MIPOL1: variants seen among roughly 807,000 people sequenced by gnomAD.
MIPOL1 encodes the protein mirror-image polydactyly gene 1 protein.
A neutral mutation model predicts 60.9 loss-of-function variants in MIPOL1; 57 were observed. That is an observed-to-expected ratio of 0.94 (90% CI 0.76 to 1.17). The LOEUF (loss-of-function observed/expected upper bound fraction) is 1.17, where lower values mean the gene tolerates loss of function less well. Among genes scored for constraint, MIPOL1 ranks in the 50% most tolerant of loss-of-function variants. The pLI, the probability that MIPOL1 is intolerant of heterozygous loss-of-function variation, is 0.00. For missense variants in MIPOL1, 551 were observed against 511.6 expected (o/e 1.08, Z -0.74); for synonymous variants, 179 against 168.8 (o/e 1.06, Z -0.47).
intron 12 of MIPOL1, among the ~76,000 whole-genome samples, chr14:37,530,529 A>G (rs1329697153): frequency 6.6e-6 from 1 of 152,190 alleles, no homozygotes; most frequent in African/African-American, 2.4e-5. Flanking sequence ...CCAAATAATT[A>G]AACTCTTTCC....
At chr14:37,351,595 G>A (rs1365684055) in intron 9 of MIPOL1, among the ~76,000 whole-genome samples, 1 of 143,116 alleles carries the variant, frequency 7.0e-6, no homozygotes, top group Non-Finnish European at 1.5e-5. Context: ...TTTAATGATT[G>A]CCATTCTAAC....
At chr14:37,465,852 A>C (rs961361854) in intron 11 of MIPOL1, among the ~76,000 whole-genome samples, 2 of 152,172 alleles carry the variant, frequency 1.3e-5, no homozygotes, top group African/African-American at 4.8e-5. Context: ...AATTAGTGTA[A>C]ATTTAAAGAA....
At chr14:37,265,565 G>T (rs575632023) in intron 3 of MIPOL1, among the ~76,000 whole-genome samples, 57 of 152,184 alleles carry the variant, frequency 3.7e-4, no homozygotes, top group African/African-American at 1.2e-3. Context: ...ATAGTGTAAC[G>T]CAGGATGGCA....
At chr14:37,216,469 C>T (rs1206273829) in intron 1 of MIPOL1, among the ~76,000 whole-genome samples, 3 of 152,156 alleles carry the variant, frequency 2.0e-5, no homozygotes, top group Non-Finnish European at 4.4e-5. Context: ...AAGTGAAGAG[C>T]TACAGAATAC....
At chr14:37,295,657 G>A in intron 7 of MIPOL1, among the ~76,000 whole-genome samples, 1 of 152,128 alleles carries the variant, frequency 6.6e-6, no homozygotes, top group Middle Eastern at 3.2e-3. Context: ...TGCAATCCTA[G>A]TCTTTGATAA....
rs551354915 is a variant in MIPOL1, at chr14:37,296,357, G to T, written c.623+10910G>T. Among the ~76,000 whole-genome samples the T allele has an allele frequency of 3.3e-5, 5 of 152,228 alleles. No homozygotes were observed. The East Asian group carries it at 9.7e-4, about 29-fold the overall frequency. ...AATGCCCACAAGAGAAAGCAGGAAA[G>T]ATCTAAAATTGACACCCTAACATCA... is the stretch of plus-strand genomic sequence containing the variant. On this transcript the variant is annotated intron_variant, in intron 7 of 12. Transcript: ENST00000684589.
chr14:37,446,669 CA>C (rs1387016960), intron 11 of MIPOL1, among the ~76,000 whole-genome samples: 1 of 152,100 alleles, frequency 6.6e-6, no homozygotes, highest in Non-Finnish European at 1.5e-5. Context: ...GACTTGGAAC[CA>C]ACCCAAATGT....
At position 37,246,356 on chromosome 14, in the gene MIPOL1, A is replaced by T. The variant is rs191048003; in HGVS notation, c.-198-747A>T. ...TTGGGACTCAGAGCTTTATTGGACA[A>T]ATCATTAATTATCTCAGTGTCCATA... On this transcript the variant is annotated intron_variant, in intron 1 of 12. Transcript: ENST00000684589. 8.5e-5 allele frequency among the ~76,000 whole-genome samples: 13 copies of T among 152,250 alleles called. No individual in the cohort carries two copies. In the East Asian group the frequency reaches 2.3e-3, roughly 27 times the overall value.
intron 10 of MIPOL1, among the ~76,000 whole-genome samples, chr14:37,393,679 T>C (rs907505526): frequency 6.6e-6 from 1 of 151,994 alleles, no homozygotes; most frequent in African/African-American, 2.4e-5. Flanking sequence ...AACCTTTTAT[T>C]TATTTATTTA....
rs2094663111 is a variant in MIPOL1 at position 37,470,226 on chromosome 14, TCTGTTG to T, written c.1032-29679_1032-29674del. Among the ~76,000 whole-genome samples, 8 of 152,238 alleles carry T rather than the reference TCTGTTG, an allele frequency of 5.3e-5. No homozygotes were observed. In the South Asian group the frequency reaches 1.7e-3, roughly 32 times the overall value. ...GATGTTTATGAGGTGGTTATGAGGATCTGTTGCTTAGGATAGAAATCTGAGCTGGAG... is the reference window on the plus strand; with the variant it reads ...GATGTTTATGAGGTGGTTATGAGGATCTTAGGATAGAAATCTGAGCTGGAG... On this transcript the variant is annotated intron_variant, in intron 11 of 12. Transcript: ENST00000684589.
intron 5 of MIPOL1, among the ~76,000 whole-genome samples, chr14:37,269,770 C>T (rs975166625): frequency 1.3e-5 from 2 of 152,062 alleles, no homozygotes; most frequent in African/African-American, 4.8e-5. Flanking sequence ...CAAATCCCTT[C>T]CAAATATTTT....
chr14:37,480,811 C>CA (rs2094851622), intron 11 of MIPOL1, among the ~76,000 whole-genome samples: 2 of 151,922 alleles, frequency 1.3e-5, no homozygotes, highest in African/African-American at 2.4e-5. Context: ...GAAGACTCCA[C>CA]AAAAAAACAA....
At chr14:37,510,654 GA>G (rs1207143314) in intron 12 of MIPOL1, among the ~76,000 whole-genome samples, 1 of 152,076 alleles carries the variant, frequency 6.6e-6, no homozygotes, top group African/African-American at 2.4e-5. Flanking sequence ...AACTCATGCA[GA>G]TACCTGCTGT....
chr14:37,448,413 C>T (rs1257908352), intron 11 of MIPOL1, among the ~76,000 whole-genome samples: 1 of 152,220 alleles, frequency 6.6e-6, no homozygotes, highest in Non-Finnish European at 1.5e-5. Flanking sequence ...AAAGTGCCCA[C>T]AGTATCACTA....
intron 11 of MIPOL1, among the ~76,000 whole-genome samples, chr14:37,470,841 G>A (rs1226365683): frequency 6.6e-6 from 1 of 151,930 alleles, no homozygotes; most frequent in Non-Finnish European, 1.5e-5. Flanking sequence ...GGAAATCAGG[G>A]AAAAAAGGCA....
At chr14:37,329,607 G>A (rs2153453025) in intron 9 of MIPOL1, among the ~76,000 whole-genome samples, 1 of 152,214 alleles carries the variant, frequency 6.6e-6, no homozygotes, top group South Asian at 2.1e-4. Flanking sequence ...GTAATTGACA[G>A]CTCTGTTGAG....
intron 12 of MIPOL1, among the ~76,000 whole-genome samples, chr14:37,519,838 G>T (rs925853924): frequency 6.6e-6 from 1 of 152,004 alleles, no homozygotes; most frequent in Admixed American, 6.6e-5. Flanking sequence ...AACAATTGTG[G>T]TTCTTCCACC....
At chr14:37,518,911 G>T (rs996672862) in intron 12 of MIPOL1, among the ~76,000 whole-genome samples, 1 of 103,066 alleles carries the variant, frequency 9.7e-6, no homozygotes, top group Non-Finnish European at 1.9e-5. Context: ...GGGATGTCTT[G>T]TGAATCAAAA....
intron 9 of MIPOL1, among the ~76,000 whole-genome samples, chr14:37,326,670 C>G (rs2089192247): frequency 6.6e-6 from 1 of 152,100 alleles, no homozygotes; most frequent in Admixed American, 6.6e-5. Context: ...ATCCATGTTG[C>G]CGAGCCCTTG....
Sources: allele counts gnomAD v4.1 joint callset (sites outside exome capture counted in the v4.1 genomes callset), GRCh38; gene constraint gnomAD v4.1.1; transcripts MANE v1.5; gene names NCBI Gene and HGNC (gene_info 2026-07-23, HGNC 2026-07-21).